Variants in ADAMTS19 observed in about 807,000 individuals in gnomAD.
The protein encoded by ADAMTS19 is ADAM metallopeptidase with thrombospondin type 1 motif 19, also known as A disintegrin and metalloproteinase with thrombospondin motifs 19.
Under a neutral mutation model 153.3 loss-of-function variants are expected in ADAMTS19, and 93 were observed. The observed-to-expected ratio is 0.61, with a 90% CI of 0.51 to 0.72. The LOEUF (loss-of-function observed/expected upper bound fraction) is 0.72, where lower values mean the gene tolerates loss of function less well. Ranked by LOEUF, ADAMTS19 falls within the 30% of genes least tolerant of loss-of-function variation. The pLI is 0.00. For missense variants in ADAMTS19, 1,482 were observed against 1,552.1 expected (o/e 0.95, Z 0.76); for synonymous variants, 600 against 556.6 (o/e 1.08, Z -1.10).
intron 16 of ADAMTS19, among the ~76,000 whole-genome samples, chr5:129,668,839 C>T (rs1754170648): frequency 6.6e-6 from 1 of 152,176 alleles, no homozygotes; most frequent in Non-Finnish European, 1.5e-5. Flanking sequence ...GCATTAAGTA[C>T]ATTTACATTT....
chr5:129,594,818 G>T (rs180706936), intron 7 of ADAMTS19, among the ~76,000 whole-genome samples: 2 of 151,374 alleles, frequency 1.3e-5, no homozygotes, highest in African/African-American at 4.9e-5. Context: ...ATCCCTCTCT[G>T]TGTATCCTTA....
intron 7 of ADAMTS19, among the ~76,000 whole-genome samples, chr5:129,578,671 C>T (rs1311093916): frequency 2.6e-5 from 4 of 151,746 alleles, no homozygotes; most frequent in African/African-American, 9.7e-5. Context: ...TCAATGCCCA[C>T]TTGAGTGAGA....
chr5:129,687,899 A>C (rs1359827836), intron 18 of ADAMTS19, among the ~76,000 whole-genome samples: 1 of 152,210 alleles, frequency 6.6e-6, no homozygotes. Flanking sequence ...TTTTTACTTC[A>C]AATGGCTGAT....
intron 19 of ADAMTS19, among the ~76,000 whole-genome samples, 154 bp downstream of exon 19, chr5:129,695,009 G>T (rs142194403): frequency 5.8e-4 from 89 of 152,270 alleles, no homozygotes; most frequent in African/African-American, 2.1e-3. Flanking sequence ...CAAGATCTAA[G>T]AAAGCAAGGT....
At chr5:129,699,815 G>T (rs1352856020) in intron 19 of ADAMTS19, among the ~76,000 whole-genome samples, 1 of 152,110 alleles carries the variant, frequency 6.6e-6, no homozygotes, top group Non-Finnish European at 1.5e-5. Context: ...AGTGGGAGAT[G>T]AAGCTAGAAA....
chr5:129,736,028 C>T (rs745639636), intron 22 of ADAMTS19, among the ~76,000 whole-genome samples: 18 of 152,008 alleles, frequency 1.2e-4, no homozygotes, highest in Middle Eastern at 3.4e-3. Context: ...TTGGTTTCTT[C>T]GAAATACAAA....
At position 129,619,712 on chromosome 5, in the gene ADAMTS19, T is replaced by C. The variant is rs145584810; in HGVS notation, c.1479-906T>C. On this transcript the variant is annotated intron_variant, in intron 8 of 22. Transcript: ENST00000274487. ...ACAATACCATAAAAATTCAAGACTT[T>C]GTATATACTGTCATAAGGATACGAT... 4.6e-3 allele frequency among the ~76,000 whole-genome samples: 695 copies of C among 152,002 alleles called. 7 individuals carry two copies. Among genetic ancestry groups the C allele is most frequent in the Middle Eastern group, 0.027 (8 of 294 alleles).
At chr5:129,562,247 T>C (rs926921150) in intron 7 of ADAMTS19, among the ~76,000 whole-genome samples, 22 of 152,226 alleles carry the variant, frequency 1.4e-4, no homozygotes, top group African/African-American at 4.6e-4. Context: ...CCATACTTCC[T>C]TTTTGTTACA....
intron 2 of ADAMTS19, among the ~76,000 whole-genome samples, chr5:129,467,563 G>A (rs1298306178): frequency 1.3e-5 from 2 of 152,176 alleles, no homozygotes; most frequent in East Asian, 1.9e-4. Context: ...TTTAATAGAG[G>A]AGAGATGATC....
intron 7 of ADAMTS19, among the ~76,000 whole-genome samples, chr5:129,580,801 T>G (rs536321316): frequency 4.6e-5 from 7 of 152,204 alleles, no homozygotes. Context: ...TCGTGGTGGG[T>G]AAGCTTTTTG....
intron 2 of ADAMTS19, among the ~76,000 whole-genome samples, chr5:129,470,228 G>T (rs1750018734): frequency 6.6e-6 from 1 of 152,108 alleles, no homozygotes; most frequent in South Asian, 2.1e-4. Flanking sequence ...ATATGTTTAT[G>T]CAACACTAAA....
chr5:129,558,073 C>CAAAGGAGGGA (rs140016015), intron 7 of ADAMTS19, among the ~76,000 whole-genome samples: 2 of 151,586 alleles, frequency 1.3e-5, no homozygotes, highest in African/African-American at 4.8e-5. Context: ...AAACTCTTGG[C>CAAAGGAGGGA]AAAGTAGGAA....
In ADAMTS19 at chr5:129,461,532, G is replaced by C; in HGVS notation, c.522G>C (p.Arg174=). The C allele has an allele frequency of 6.5e-7, 1 of 1,529,916 alleles. No homozygotes were observed. Among genetic ancestry groups the C allele is most frequent in the Non-Finnish European group, 8.7e-7 (1 of 1,144,944 alleles). The allele number at this position is 1,529,916 out of a possible 1,614,324, so 94.8% of individuals were successfully genotyped here. The change falls in exon 2 of 23, where the codon CGG becomes CGC. Residue 174 remains arginine, a synonymous_variant. Coordinates refer to ENST00000274487, the MANE Select transcript of ADAMTS19 (RefSeq NM_133638.6). This position sits in a 1 kb window ranked among gnomAD's most constrained non-coding sequence, Gnocchi z 4.6. ...CGGATGGCGACGAAGTGTTGCTGCG[G>C]ATCCCGGCCTTCTCTCGGGACCTGT... is the stretch of plus-strand genomic sequence containing the variant. ...AEPDGDEVLL[R]IPAFSRDLYL...
intron 17 of ADAMTS19, among the ~76,000 whole-genome samples, chr5:129,683,614 G>A (rs957018614): frequency 3.4e-4 from 51 of 151,866 alleles, no homozygotes; most frequent in African/African-American, 1.2e-3. Context: ...ATGAAGTTCA[G>A]TGATCCCCAA....
chr5:129,614,533 T>C (rs1461596467), intron 8 of ADAMTS19, among the ~76,000 whole-genome samples: 2 of 152,088 alleles, frequency 1.3e-5, no homozygotes, highest in African/African-American at 2.4e-5. Context: ...ATGGGACGTA[T>C]CTCAAAATAA....
At chr5:129,733,338 G>A (rs1757527076) in intron 21 of ADAMTS19, among the ~76,000 whole-genome samples, 1 of 151,986 alleles carries the variant, frequency 6.6e-6, no homozygotes, top group Non-Finnish European at 1.5e-5. Context: ...CTTCTGCACA[G>A]CAAAAGAAAT....
intron 7 of ADAMTS19, among the ~76,000 whole-genome samples, chr5:129,579,238 T>G (rs955842569): frequency 6.6e-6 from 1 of 152,234 alleles, no homozygotes; most frequent in Non-Finnish European, 1.5e-5. Flanking sequence ...CATAAATGTC[T>G]TCTTTTGAGA....
rs370605441 is a variant in ADAMTS19 at position 129,530,506 on chromosome 5, A to G, written c.1328+1829A>G. Among the ~76,000 whole-genome samples the G allele has an allele frequency of 4.6e-5, 7 of 152,288 alleles. No homozygotes were observed. In the South Asian group the frequency reaches 1.2e-3, roughly 27 times the overall value. ...GAGGGAACATTGAACAGGAGGAACA[A>G]TGTTCAAATAAATGACTGACTTCAC... On this transcript the variant is annotated intron_variant, in intron 6 of 22. Coordinates refer to ENST00000274487, the MANE Select transcript of ADAMTS19 (RefSeq NM_133638.6).
intron 7 of ADAMTS19, among the ~76,000 whole-genome samples, chr5:129,592,057 G>C (rs1488234110): frequency 1.3e-5 from 2 of 151,864 alleles, no homozygotes; most frequent in African/African-American, 4.8e-5. Context: ...GTTTTTGTTT[G>C]CTTTTTATTT....
Sources: allele counts gnomAD v4.1 joint callset (sites outside exome capture counted in the v4.1 genomes callset), GRCh38; gene constraint gnomAD v4.1.1; non-coding constraint Gnocchi (gnomAD v3.1); transcripts MANE v1.5; gene names NCBI Gene and HGNC (gene_info 2026-07-23, HGNC 2026-07-21).